SLC16A7: variants seen among roughly 807,000 people sequenced by gnomAD.
The protein encoded by SLC16A7 is monocarboxylate transporter 2.
In SLC16A7, 33 loss-of-function variants were observed where a neutral mutation model predicts 34.9. The observed-to-expected ratio is 0.94, with a 90% CI of 0.72 to 1.26. SLC16A7 has a LOEUF of 1.26. Among genes scored for constraint, SLC16A7 ranks in the 50% most tolerant of loss-of-function variants. The probability of loss-of-function intolerance (pLI) is 0.00; values close to 1 mark genes in which losing one functional copy is unlikely to be tolerated. For synonymous variants in SLC16A7, 201 were observed against 206.6 expected (o/e 0.97, Z 0.23); for missense variants, 573 against 578.1 (o/e 0.99, Z 0.09).
In SLC16A7 at chr12:59,779,850, C is replaced by G. The variant is rs1014397450; in HGVS notation, c.*171C>G. The stretch of plus-strand genomic sequence containing the variant: ...TTTTAAATTAGTTTTTAAAAACTTA[C>G]TTATTTGGGTAGTTAAATTTTGAGA... On this transcript the variant is annotated 3_prime_UTR_variant, in exon 6 of 6. Transcript: ENST00000547379. The G allele has an allele frequency of 1.1e-5, 6 of 555,042 alleles. No individual in the cohort carries two copies. Among genetic ancestry groups the G allele is most frequent in the Non-Finnish European group, 1.9e-5 (6 of 320,558 alleles). 34.4% of individuals were successfully genotyped at this position (555,042 alleles called of 1,614,324 possible).
intron 2 of SLC16A7, among the ~76,000 whole-genome samples, chr12:59,702,836 A>G (rs2137132924): frequency 6.6e-6 from 1 of 152,136 alleles, no homozygotes; most frequent in Non-Finnish European, 1.5e-5. Flanking sequence ...ATCACTCGGC[A>G]GTCTTATTTC....
chr12:59,733,836 G>T (rs1365629368), intron 3 of SLC16A7: 1 of 455,734 alleles, frequency 2.2e-6, no homozygotes, highest in Admixed American at 2.3e-5. Flanking sequence ...GCCACGGTGG[G>T]CACCTTCTTT....
At chr12:59,720,683 T>C (rs1443632115) in intron 3 of SLC16A7, among the ~76,000 whole-genome samples, 2 of 152,100 alleles carry the variant, frequency 1.3e-5, no homozygotes, top group African/African-American at 4.8e-5. Context: ...TTCACACCCT[T>C]AAACTTGTCA....
chr12:59,701,058 A>G (rs1343003795), intron 2 of SLC16A7, among the ~76,000 whole-genome samples: 1 of 151,802 alleles, frequency 6.6e-6, no homozygotes, highest in Non-Finnish European at 1.5e-5. Context: ...AAATGTAATA[A>G]AAGACATGTA....
At chr12:59,714,567 T>C (rs200637603) in intron 3 of SLC16A7, among the ~76,000 whole-genome samples, 6 of 136,368 alleles carry the variant, frequency 4.4e-5, no homozygotes, top group Non-Finnish European at 8.3e-5. Flanking sequence ...CTCTCTCTCT[T>C]TTTTTTTTTC....
At chr12:59,680,999 A>G in intron 2 of SLC16A7, among the ~76,000 whole-genome samples, 1 of 152,344 alleles carries the variant, frequency 6.6e-6, no homozygotes, top group African/African-American at 2.4e-5. Flanking sequence ...TACAGCAGCA[A>G]CAAAAAACAC....
At chr12:59,717,193 G>A (rs1162288152) in intron 3 of SLC16A7, among the ~76,000 whole-genome samples, 5 of 152,150 alleles carry the variant, frequency 3.3e-5, no homozygotes, top group Non-Finnish European at 5.9e-5. Context: ...AATTTTTAAA[G>A]CTTCCCTTTG....
chr12:59,695,097 T>G (rs1442693824), intron 2 of SLC16A7, among the ~76,000 whole-genome samples: 1 of 151,906 alleles, frequency 6.6e-6, no homozygotes. Flanking sequence ...TTAATTTTTT[T>G]TTCTATTTTC....
intron 1 of SLC16A7, among the ~76,000 whole-genome samples, chr12:59,604,992 G>A (rs891759204): frequency 4.6e-4 from 70 of 152,054 alleles, no homozygotes; most frequent in South Asian, 2.1e-3. Flanking sequence ...GACTACAGGC[G>A]CCCGCCACCA....
chr12:59,655,408 T>C (rs1201845674), intron 2 of SLC16A7, among the ~76,000 whole-genome samples, 158 bp downstream of exon 2: 2 of 151,998 alleles, frequency 1.3e-5, no homozygotes, highest in Non-Finnish European at 2.9e-5. Context: ...GTTGGTACTT[T>C]TAGCTTCTAG....
chr12:59,621,933 A>G (rs1365025994), intron 1 of SLC16A7, among the ~76,000 whole-genome samples: 1 of 151,638 alleles, frequency 6.6e-6, no homozygotes, highest in African/African-American at 2.4e-5. Context: ...AATTCTGTCT[A>G]CTTTTTCCAT....
intron 2 of SLC16A7, among the ~76,000 whole-genome samples, chr12:59,664,095 A>G (rs2137033475): frequency 6.6e-6 from 1 of 152,188 alleles, no homozygotes; most frequent in Middle Eastern, 3.4e-3. Flanking sequence ...CATATTTTAC[A>G]GCTATATGGC....
chr12:59,674,981 G>A (rs1870186795), intron 2 of SLC16A7, among the ~76,000 whole-genome samples: 1 of 152,264 alleles, frequency 6.6e-6, no homozygotes, highest in South Asian at 2.1e-4. Flanking sequence ...TGGTAGGTCT[G>A]ATCCTCAGCT....
At chr12:59,693,747 G>T (rs370647456) in intron 2 of SLC16A7, among the ~76,000 whole-genome samples, 1 of 151,746 alleles carries the variant, frequency 6.6e-6, no homozygotes, top group Admixed American at 6.6e-5. Context: ...ATGGACATGC[G>T]CAAGAACTGA....
At chr12:59,734,004 G>A in intron 3 of SLC16A7, 5 of 348,670 alleles carry the variant, frequency 1.4e-5, no homozygotes, top group South Asian at 1.1e-4. Flanking sequence ...GGGCAGCCAT[G>A]GGTGGGCCTG....
intron 1 of SLC16A7, among the ~76,000 whole-genome samples, chr12:59,622,814 A>G (rs907495512): frequency 1.3e-5 from 2 of 151,798 alleles, no homozygotes; most frequent in African/African-American, 2.4e-5. Context: ...GAGTAGCCGA[A>G]TTTTTAAATT....
chr12:59,672,296 A>G (rs972299983), intron 2 of SLC16A7, among the ~76,000 whole-genome samples: 2 of 148,346 alleles, frequency 1.3e-5, no homozygotes, highest in African/African-American at 2.5e-5. Context: ...ATATATGTGT[A>G]TATATATATT....
chr12:59,685,476 C>T (rs1237902335), intron 2 of SLC16A7, among the ~76,000 whole-genome samples: 2 of 151,856 alleles, frequency 1.3e-5, no homozygotes, highest in Admixed American at 6.6e-5. Context: ...TGTATAGAAG[C>T]TTGAAAAAGG....
intron 1 of SLC16A7, among the ~76,000 whole-genome samples, chr12:59,621,467 G>A (rs1879694081): frequency 6.6e-6 from 1 of 151,784 alleles, no homozygotes; most frequent in Admixed American, 6.6e-5. Context: ...AGTAGTCATT[G>A]TCATATGTTT....
Sources: allele counts gnomAD v4.1 joint callset (sites outside exome capture counted in the v4.1 genomes callset), GRCh38; gene constraint gnomAD v4.1.1; transcripts MANE v1.5; gene names NCBI Gene and HGNC (gene_info 2026-07-23, HGNC 2026-07-21).